The following RAPGEF6 variants were observed in gnomAD, a reference collection of about 807,000 sequenced individuals.
The protein encoded by RAPGEF6 is PDZ domain containing guanine nucleotide exchange factor (GEF) 2.
A neutral mutation model predicts 171.4 loss-of-function variants in RAPGEF6; 56 were observed. That is an observed-to-expected ratio of 0.33 (90% CI 0.26 to 0.41). The LOEUF is 0.41. Ranked by LOEUF, RAPGEF6 falls within the 10% of genes least tolerant of loss-of-function variation. The pLI, the probability that RAPGEF6 is intolerant of heterozygous loss-of-function variation, is 1.00. For synonymous variants in RAPGEF6, 692 were observed against 650.1 expected (o/e 1.06, Z -0.98); for missense variants, 1,674 against 1,921.4 (o/e 0.87, Z 2.41).
chr5:131,635,219 G>A lies in RAPGEF6; in HGVS notation c.-189C>T. 1.7e-6 allele frequency: 1 copy of A among 574,552 alleles called. No homozygotes were observed. Among genetic ancestry groups the A allele is most frequent in the Non-Finnish European group, 3.0e-6 (1 of 334,168 alleles). 35.6% of individuals were successfully genotyped at this position (574,552 alleles called of 1,614,324 possible). A position where few individuals can be genotyped will look rare whatever the true frequency, so the allele number is the denominator to read the frequency against. On this transcript the variant is annotated 5_prime_UTR_variant, in exon 1 of 28. Coordinates refer to ENST00000509018, the MANE Select transcript of RAPGEF6 (RefSeq NM_016340.6). ...GCCTCTACCCACGCGCGACTGGCCG[G>A]AGACAAGTCTGCGCGGGGGCGGGGG...
intron 17 of RAPGEF6, chr5:131,469,842 T>A: frequency 6.6e-7 from 1 of 1,515,752 alleles, no homozygotes; most frequent in Non-Finnish European, 8.8e-7. Context: ...TAAAGCAAAA[T>A]CAAAGTAAGC....
intron 25 of RAPGEF6, among the ~76,000 whole-genome samples, 166 bp downstream of exon 25, chr5:131,433,264 G>T (rs1456704252): frequency 3.3e-5 from 5 of 152,070 alleles, no homozygotes; most frequent in African/African-American, 1.2e-4. Flanking sequence ...TCAACATAGT[G>T]CTTATTTACA....
intron 1 of RAPGEF6, among the ~76,000 whole-genome samples, chr5:131,608,307 C>T (rs903196566): frequency 2.6e-5 from 4 of 152,140 alleles, no homozygotes; most frequent in African/African-American, 9.7e-5. Context: ...TAAATCTTAT[C>T]AGTTATGAAA....
intron 5 of RAPGEF6, among the ~76,000 whole-genome samples, chr5:131,559,553 G>C (rs1761457266): frequency 6.6e-6 from 1 of 152,116 alleles, no homozygotes; most frequent in Non-Finnish European, 1.5e-5. Flanking sequence ...GCCAGGCATG[G>C]TGGCTCACAC....
intron 4 of RAPGEF6, among the ~76,000 whole-genome samples, chr5:131,563,944 C>T (rs1465652168): frequency 1.3e-5 from 2 of 152,068 alleles, no homozygotes; most frequent in Non-Finnish European, 2.9e-5. Context: ...GTTTACTCTC[C>T]CACCTGAGGA....
At chr5:131,428,650 C>T (rs530543806) in intron 27 of RAPGEF6, among the ~76,000 whole-genome samples, 2 of 151,802 alleles carry the variant, frequency 1.3e-5, no homozygotes, top group South Asian at 4.2e-4. Flanking sequence ...TTAGTAGAGA[C>T]GGGGTTTCTC....
Position 131,462,068 on chromosome 5 carries a change from A to T in RAPGEF6, c.2501T>A (p.Met834Lys), listed in dbSNP as rs201188071. The change falls in exon 19 of 28, where the codon ATG (methionine) becomes AAG (lysine). Residue 834 changes from methionine to lysine, a missense_variant. Met to Lys is a moderately conservative substitution (Grantham distance 95, BLOSUM62 -1). This residue lies in a region of RAPGEF6 where 1,116 missense variants were observed against 1,321.5 expected (regional missense o/e 0.84). Coordinates refer to ENST00000509018, the MANE Select transcript of RAPGEF6 (RefSeq NM_016340.6). The part of the protein sequence containing the change: ...LNGRYYLKNN[M>K]ETETLCSDED... Reference sequence around the variant, plus strand: ...ATCTGAACATAAGGTTTCTGTTTCCATGTTATTTTTTAAGTAATACCTAAA... The same window carrying T: ...ATCTGAACATAAGGTTTCTGTTTCCTTGTTATTTTTTAAGTAATACCTAAA... 6.4e-7 allele frequency: 1 copy of T among 1,550,882 alleles called. No homozygotes were observed. The highest frequency in any genetic ancestry group is 8.7e-7 in the Non-Finnish European group (1 of 1,149,104).
chr5:131,632,454 T>G (rs1003637886), intron 1 of RAPGEF6, among the ~76,000 whole-genome samples: 3 of 152,198 alleles, frequency 2.0e-5, no homozygotes, highest in African/African-American at 7.2e-5. Flanking sequence ...AACCCAGCCC[T>G]TGCCCCTTGC....
At chr5:131,517,118 G>A (rs1196705508) in intron 7 of RAPGEF6, among the ~76,000 whole-genome samples, 1 of 152,190 alleles carries the variant, frequency 6.6e-6, no homozygotes, top group African/African-American at 2.4e-5. Context: ...GGGTCTATTA[G>A]GGCAGGGAGA....
At chr5:131,472,928 A>C in intron 16 of RAPGEF6, 184 bp from the exon 17 acceptor site, 1 of 552,790 alleles carries the variant, frequency 1.8e-6, no homozygotes, top group Admixed American at 3.3e-5. Flanking sequence ...ATTTTTAACA[A>C]TTACATTAAA....
intron 5 of RAPGEF6, 152 bp from the exon 6 acceptor site, chr5:131,548,342 G>A: frequency 2.8e-6 from 2 of 706,592 alleles, no homozygotes; most frequent in South Asian, 2.0e-5. Context: ...ACGCTCATGA[G>A]TTAAAGATTA....
chr5:131,545,832 T>C (rs1724384421), intron 6 of RAPGEF6, among the ~76,000 whole-genome samples: 1 of 152,228 alleles, frequency 6.6e-6, no homozygotes, highest in South Asian at 2.1e-4. Context: ...TTGTCTAAAA[T>C]GAATCAATTT....
chr5:131,457,437 G>T (rs1753593098), intron 19 of RAPGEF6, among the ~76,000 whole-genome samples: 1 of 152,202 alleles, frequency 6.6e-6, no homozygotes, highest in South Asian at 2.1e-4. Flanking sequence ...AGACAGGAGA[G>T]AAGGGAGACA....
At chr5:131,588,326 T>C (rs1266857005) in intron 4 of RAPGEF6, among the ~76,000 whole-genome samples, 1 of 152,180 alleles carries the variant, frequency 6.6e-6, no homozygotes, top group East Asian at 1.9e-4. Flanking sequence ...CTGATTCCAA[T>C]TAGCAGAGGA....
At chr5:131,590,065 T>G (rs1351577159) in intron 4 of RAPGEF6, among the ~76,000 whole-genome samples, 1 of 152,206 alleles carries the variant, frequency 6.6e-6, no homozygotes, top group Non-Finnish European at 1.5e-5. Context: ...TTATCCTTCT[T>G]AGTAGCTAAT....
At chr5:131,490,547 TG>T (rs1031720574) in intron 14 of RAPGEF6, among the ~76,000 whole-genome samples, 1 of 152,170 alleles carries the variant, frequency 6.6e-6, no homozygotes, top group Non-Finnish European at 1.5e-5. Context: ...AACATCATTG[TG>T]GGAAGATAAC....
intron 15 of RAPGEF6, among the ~76,000 whole-genome samples, chr5:131,483,869 G>C (rs1580896576): frequency 1.3e-5 from 2 of 152,132 alleles, no homozygotes; most frequent in South Asian, 4.2e-4. Flanking sequence ...GGGAGGCCGA[G>C]GCAGGTGGAT....
intron 7 of RAPGEF6, among the ~76,000 whole-genome samples, chr5:131,515,392 G>A (rs1312048619): frequency 2.0e-5 from 3 of 152,248 alleles, no homozygotes; most frequent in Non-Finnish European, 4.4e-5. Flanking sequence ...TTTTGCCCTG[G>A]ATAATAAAGT....
At chr5:131,579,368 T>C (rs1340859549) in intron 4 of RAPGEF6, among the ~76,000 whole-genome samples, 1 of 152,240 alleles carries the variant, frequency 6.6e-6, no homozygotes, top group Non-Finnish European at 1.5e-5. Context: ...GCAGGTTGCC[T>C]GCTGGCTGGC....
Sources: allele counts gnomAD v4.1 joint callset (sites outside exome capture counted in the v4.1 genomes callset), GRCh38; gene constraint gnomAD v4.1.1; regional missense constraint gnomAD v4.1.1; transcripts MANE v1.5; gene names NCBI Gene and HGNC (gene_info 2026-07-23, HGNC 2026-07-21).